LIPA: variants seen among roughly 807,000 people sequenced by gnomAD.
The protein encoded by LIPA is lipase A, lysosomal acid type.
A neutral mutation model predicts 40.6 loss-of-function variants in LIPA; 26 were observed. The observed-to-expected ratio is 0.64, with a 90% CI of 0.47 to 0.89. The LOEUF is 0.89. Ranked by LOEUF, LIPA falls within the 40% of genes least tolerant of loss-of-function variation. The pLI is 0.00. For synonymous variants in LIPA, 188 were observed against 168.4 expected (o/e 1.12, Z -0.90); for missense variants, 455 against 479.6 (o/e 0.95, Z 0.48).
intron 1 of LIPA, among the ~76,000 whole-genome samples, chr10:89,268,120 T>C (rs577692235): frequency 6.6e-6 from 1 of 152,378 alleles, no homozygotes; most frequent in African/African-American, 2.4e-5. Flanking sequence ...CTTCATATGA[T>C]CTTTATCCAC....
chr10:89,308,386 T>G (rs1253677265), intron 1 of LIPA: 1 of 151,868 alleles, frequency 6.6e-6, no homozygotes, highest in African/African-American at 2.4e-5. Flanking sequence ...TTTGAGACGG[T>G]AGGAAAGCAA....
chr10:89,324,587 A>G (rs1448011384), intron 1 of LIPA, among the ~76,000 whole-genome samples: 1 of 152,210 alleles, frequency 6.6e-6, no homozygotes, highest in Non-Finnish European at 1.5e-5. Flanking sequence ...CAAGCAACTG[A>G]CAGATGGGAG....
chr10:89,302,151 C>A (rs755480937), intron 1 of LIPA: 1 of 1,613,352 alleles, frequency 6.2e-7, no homozygotes, highest in East Asian at 2.2e-5. Flanking sequence ...CCTTCGTATT[C>A]GGTAGTGCTG....
At chr10:89,220,034 G>A (rs941355983) in intron 8 of LIPA, among the ~76,000 whole-genome samples, 2 of 152,206 alleles carry the variant, frequency 1.3e-5, no homozygotes, top group Non-Finnish European at 2.9e-5. Context: ...AAGACCAGTA[G>A]CCTAGATGAT....
intron 1 of LIPA, among the ~76,000 whole-genome samples, chr10:89,320,231 G>A (rs1222126777): frequency 6.6e-6 from 1 of 152,190 alleles, no homozygotes; most frequent in Non-Finnish European, 1.5e-5. Flanking sequence ...AATCAGGCAG[G>A]AGAAAGAAAT....
At chr10:89,320,685 A>C (rs1184933414) in intron 1 of LIPA, among the ~76,000 whole-genome samples, 2 of 152,152 alleles carry the variant, frequency 1.3e-5, no homozygotes, top group African/African-American at 4.8e-5. Flanking sequence ...TCAAACTACC[A>C]ATGACTTTCT....
In LIPA at chr10:89,350,796, A is replaced by AG. The variant is rs537816669; in HGVS notation, c.61+61994dup. 1.8e-3 allele frequency among the ~76,000 whole-genome samples: 276 copies of AG among 152,334 alleles called. 1 individual carries two copies. The highest frequency in any genetic ancestry group is 2.4e-3 in the Non-Finnish European group (165 of 68,032). ...CTAGTGAACTTGCAGTTGCATAGCT[A>AG]GGGAAACAGAGTCTTCACAATGCCT... On this transcript the variant is annotated intron_variant, in intron 2 of 8. Coordinates refer to the LIPA transcript ENST00000371837.
chr10:89,250,728 C>T (rs958878758), intron 1 of LIPA, among the ~76,000 whole-genome samples: 2 of 152,200 alleles, frequency 1.3e-5, no homozygotes, highest in Non-Finnish European at 2.9e-5. Flanking sequence ...AGCTACTCAG[C>T]TGAAAATCTC....
chr10:89,296,689 C>A (rs542601136), intron 1 of LIPA, among the ~76,000 whole-genome samples: 8 of 152,086 alleles, frequency 5.3e-5, no homozygotes, highest in Non-Finnish European at 7.4e-5. Context: ...TGGTAAATAA[C>A]TTTTCCCAAG....
intron 4 of LIPA, 42 bp from the exon 5 acceptor site, chr10:89,227,046 A>G (rs780096608): frequency 1.1e-5 from 13 of 1,170,626 alleles, no homozygotes. Context: ...AATAGTACAT[A>G]AAATAGAGCA....
At position 89,214,949 on chromosome 10, in the gene LIPA, A is replaced by T. The variant is rs776294856; in HGVS notation, c.1079T>A (p.Ile360Asn). Residue 360 changes from isoleucine to asparagine, a missense_variant, in exon 10 of 10, where the codon ATC (isoleucine) becomes AAC (asparagine). Ile to Asn is a moderately radical substitution (Grantham distance 149). Coordinates refer to ENST00000336233, the MANE Select transcript of LIPA (RefSeq NM_000235.4). ...VYDVNILLTQ[I>N]TNLVFHESIP... is the part of the protein sequence containing the mutation. ...GCTCTCATGGAACACCAAGTTGGTG[A>T]TCTGAGTCAGTAAGATATTGACGTC... 8.7e-6 allele frequency: 14 copies of T among 1,613,960 alleles called. No homozygotes were observed. The highest frequency in any genetic ancestry group is 1.7e-5 in the Admixed American group (1 of 60,004).
intron 2 of LIPA, chr10:89,384,342 T>C (rs1287579486): frequency 1.2e-6 from 2 of 1,614,208 alleles, no homozygotes; most frequent in Admixed American, 1.7e-5. Context: ...AGATGGCCTA[T>C]GTTGACCTGG....
At position 89,302,102 on chromosome 10, in the gene LIPA, A is replaced by G; in HGVS notation, c.-2+40509T>C. Reference sequence around the variant, plus strand: ...CTGCCTGAACCGAGCCCTGCCGAACAGCTGAGAATTGCACTGCAACCATGA... The same window carrying G: ...CTGCCTGAACCGAGCCCTGCCGAACGGCTGAGAATTGCACTGCAACCATGA... On this transcript the variant is annotated intron_variant, in intron 1 of 5. Transcript: ENST00000282673. The G allele has an allele frequency of 1.2e-6, 2 of 1,613,968 alleles. 1 individual carries two copies. The highest frequency in any genetic ancestry group is 2.2e-5 in the South Asian group (2 of 91,078).
intron 1 of LIPA, among the ~76,000 whole-genome samples, chr10:89,272,672 ACT>A (rs1465933992): frequency 6.6e-6 from 1 of 152,184 alleles, no homozygotes; most frequent in Non-Finnish European, 1.5e-5. Context: ...GAATCACCAC[ACT>A]GTCTTCCACA....
chr10:89,406,284 G>C (rs913918400), intron 2 of LIPA: 1 of 152,164 alleles, frequency 6.6e-6, no homozygotes, highest in Non-Finnish European at 1.5e-5. Context: ...TCTAGCTAAA[G>C]TATTGTAAAA....
chr10:89,318,876 G>A (rs1244215518), intron 1 of LIPA, among the ~76,000 whole-genome samples: 2 of 152,190 alleles, frequency 1.3e-5, no homozygotes, highest in African/African-American at 4.8e-5. Flanking sequence ...TCAGACCACA[G>A]TGCAATCAAA....
intron 2 of LIPA, among the ~76,000 whole-genome samples, chr10:89,359,294 A>G (rs751965344): frequency 2.0e-5 from 3 of 152,246 alleles, no homozygotes; most frequent in Non-Finnish European, 4.4e-5. Flanking sequence ...TATAACTATT[A>G]TGTCTCAATA....
At chr10:89,285,140 G>C (rs1300401501) in intron 1 of LIPA, 1 of 159,362 alleles carries the variant, frequency 6.3e-6, no homozygotes, top group African/African-American at 2.4e-5. Context: ...GACTCGGATC[G>C]GGGAACCTCC....
intron 1 of LIPA, among the ~76,000 whole-genome samples, chr10:89,327,517 T>C (rs777975581): frequency 6.6e-6 from 1 of 152,014 alleles, no homozygotes; most frequent in Non-Finnish European, 1.5e-5. Context: ...TGCCACTGCA[T>C]TCCAGCCTGG....
Sources: gnomAD v4.1 joint callset for allele counts (sites outside exome capture counted in the v4.1 genomes callset) on GRCh38, gnomAD v4.1.1 for gene constraint, MANE v1.5 for transcripts, NCBI Gene and HGNC (gene_info 2026-07-23, HGNC 2026-07-21) for gene names.